The following LOC128092252 variants were observed in gnomAD, a reference collection of about 807,000 sequenced individuals.
the LOC128092252 span, among the ~76,000 whole-genome samples, chr15:50,671,672 T>C: frequency 1.3e-5 from 2 of 151,926 alleles, no homozygotes; most frequent in Non-Finnish European, 2.9e-5. Flanking sequence ...TAGCCAAGCA[T>C]GTTGGTGCCT....
the LOC128092252 span, among the ~76,000 whole-genome samples, chr15:50,685,952 C>T: frequency 6.6e-6 from 1 of 152,164 alleles, no homozygotes; most frequent in African/African-American, 2.4e-5. Flanking sequence ...AAAGATCTAC[C>T]ATCAATATTG....
chr15:50,656,232 A>G, the LOC128092252 span, among the ~76,000 whole-genome samples: 1 of 152,182 alleles, frequency 6.6e-6, no homozygotes, highest in South Asian at 2.1e-4. Flanking sequence ...CACCATCTAT[A>G]AGAAGAAATG....
the LOC128092252 span, chr15:50,686,426 T>A: frequency 6.3e-7 from 1 of 1,590,340 alleles, no homozygotes; most frequent in African/African-American, 1.3e-5. Context: ...CGAGGGTCCT[T>A]CGCCGCATGG....
At chr15:50,680,129 G>A in the LOC128092252 span, among the ~76,000 whole-genome samples, 5 of 152,062 alleles carry the variant, frequency 3.3e-5, no homozygotes, top group African/African-American at 1.2e-4. Context: ...AGCTACTCGG[G>A]AGGCTGACAG....
the LOC128092252 span, among the ~76,000 whole-genome samples, chr15:50,668,446 C>A: frequency 2.6e-5 from 4 of 152,124 alleles, no homozygotes; most frequent in African/African-American, 9.7e-5. Context: ...TTTCTCTCTA[C>A]CCCATTTCTC....
At chr15:50,663,130 G>T in the LOC128092252 span, 2 of 1,048,624 alleles carry the variant, frequency 1.9e-6, no homozygotes, top group East Asian at 2.6e-5. Flanking sequence ...CACATAAACA[G>T]TTCTTTTTTT....
the LOC128092252 span, among the ~76,000 whole-genome samples, chr15:50,654,919 T>A: frequency 6.8e-6 from 1 of 145,998 alleles, no homozygotes; most frequent in South Asian, 2.1e-4. Context: ...GAGAATGGCA[T>A]GAACCCAGGA....
At chr15:50,676,982 GGA>G in the LOC128092252 span, among the ~76,000 whole-genome samples, 9 of 152,292 alleles carry the variant, frequency 5.9e-5, no homozygotes, top group East Asian at 1.5e-3. Flanking sequence ...GCCCATTGTA[GGA>G]GAGACAGTTT....
At chr15:50,657,949 G>C in the LOC128092252 span, 34 of 590,920 alleles carry the variant, frequency 5.8e-5, no homozygotes, top group Non-Finnish European at 9.6e-5. Context: ...AGATATTATA[G>C]TTCACGTATA....
chr15:50,662,957 G>C, the LOC128092252 span: 3 of 1,601,174 alleles, frequency 1.9e-6, no homozygotes, highest in Non-Finnish European at 2.6e-6. Flanking sequence ...AGTAACAAAG[G>C]TGTGCTTACC....
the LOC128092252 span, among the ~76,000 whole-genome samples, chr15:50,660,784 T>C: frequency 6.6e-6 from 1 of 152,196 alleles, no homozygotes; most frequent in Non-Finnish European, 1.5e-5. Flanking sequence ...CTTTAATACT[T>C]TTCAAAAGAT....
chr15:50,678,897 G>C, the LOC128092252 span, among the ~76,000 whole-genome samples: 4 of 151,916 alleles, frequency 2.6e-5, no homozygotes, highest in African/African-American at 9.7e-5. Context: ...TTTTTGAGAC[G>C]AAGTCTCGCT....
At chr15:50,664,794 T>C in the LOC128092252 span, among the ~76,000 whole-genome samples, 1 of 152,014 alleles carries the variant, frequency 6.6e-6, no homozygotes, top group Non-Finnish European at 1.5e-5. Flanking sequence ...ACTCCATCTC[T>C]ACAAAAAAAT....
At chr15:50,655,548 T>C in the LOC128092252 span, among the ~76,000 whole-genome samples, 1 of 151,592 alleles carries the variant, frequency 6.6e-6, no homozygotes, top group African/African-American at 2.4e-5. Flanking sequence ...AGGCATATTA[T>C]AGACATGCTG....
At chr15:50,660,925 G>C in the LOC128092252 span, among the ~76,000 whole-genome samples, 1 of 150,692 alleles carries the variant, frequency 6.6e-6, no homozygotes, top group Admixed American at 6.6e-5. Context: ...ACCAATAGTA[G>C]AACAGGTATA....
chr15:50,662,340 A>AG, the LOC128092252 span, among the ~76,000 whole-genome samples: 1 of 151,574 alleles, frequency 6.6e-6, no homozygotes, highest in African/African-American at 2.4e-5. Context: ...AAAAAAAAAA[A>AG]GGTAAAAAGA....
the LOC128092252 span, among the ~76,000 whole-genome samples, chr15:50,654,339 C>T: frequency 1.3e-5 from 2 of 150,920 alleles, no homozygotes; most frequent in African/African-American, 2.4e-5. Flanking sequence ...CCCAGCTACT[C>T]GGGAGGCTAA....
the LOC128092252 span, among the ~76,000 whole-genome samples, chr15:50,667,922 T>C: frequency 6.6e-6 from 1 of 152,192 alleles, no homozygotes; most frequent in Admixed American, 6.5e-5. Context: ...ATGTTATTGG[T>C]ATGTGTTCCA....
At chr15:50,657,375 C>T in the LOC128092252 span, among the ~76,000 whole-genome samples, 6 of 152,074 alleles carry the variant, frequency 3.9e-5, no homozygotes, top group Admixed American at 3.9e-4. Flanking sequence ...GTACAATATC[C>T]TTTTAACATG....
Sources: allele counts gnomAD v4.1 joint callset (sites outside exome capture counted in the v4.1 genomes callset), GRCh38; gene constraint gnomAD v4.1.1; transcripts MANE v1.5.